Variants in FILIP1 observed in about 807,000 individuals in gnomAD.
FILIP1 encodes filamin A interacting protein 1, also known as filamin-A-interacting protein 1.
FILIP1 carries 61 observed loss-of-function variants against 102.1 expected under a neutral mutation model. That is an observed-to-expected ratio of 0.60 (90% confidence interval 0.49 to 0.74). The LOEUF is 0.74. Ranked by LOEUF, FILIP1 falls within the 30% of genes least tolerant of loss-of-function variation. The probability of loss-of-function intolerance (pLI) is 0.00; values close to 1 mark genes in which losing one functional copy is unlikely to be tolerated. For synonymous variants in FILIP1, 491 were observed against 526.9 expected (o/e 0.93, Z 0.93); for missense variants, 1,314 against 1,441.2 (o/e 0.91, Z 1.43).
At chr6:75,376,440 T>C (rs1775755955) in intron 2 of FILIP1, among the ~76,000 whole-genome samples, 1 of 152,160 alleles carries the variant, frequency 6.6e-6, no homozygotes, top group South Asian at 2.1e-4. Flanking sequence ...TCCCCACCCC[T>C]TGGGAGTCAA....
chr6:75,416,037 T>G (rs1777257860), intron 1 of FILIP1, among the ~76,000 whole-genome samples: 1 of 152,108 alleles, frequency 6.6e-6, no homozygotes, highest in South Asian at 2.1e-4. Context: ...TGGGCTTATT[T>G]AAAAACTCAC....
chr6:75,340,803 C>A (rs1167879901), intron 4 of FILIP1, among the ~76,000 whole-genome samples: 1 of 150,704 alleles, frequency 6.6e-6, no homozygotes, highest in Non-Finnish European at 1.5e-5. Context: ...TCAAGCAATT[C>A]TCCTATCTCA....
chr6:75,319,826 TC>T (rs370414654), intron 4 of FILIP1: 1,554 of 232,228 alleles, frequency 6.7e-3, no homozygotes, highest in South Asian at 0.012. Context: ...CAAGACTCCG[TC>T]CCCCAAAAAA....
chr6:75,376,437 C>T (rs1359529991), intron 2 of FILIP1, among the ~76,000 whole-genome samples: 1 of 152,114 alleles, frequency 6.6e-6, no homozygotes, highest in African/African-American at 2.4e-5. Flanking sequence ...TACTCCCCAC[C>T]CCTTGGGAGT....
chr6:75,359,409 G>A (rs1041969803), intron 3 of FILIP1, among the ~76,000 whole-genome samples: 6 of 152,246 alleles, frequency 3.9e-5, no homozygotes, highest in East Asian at 3.9e-4. Context: ...GCAGGACAGC[G>A]TCAGATAAGT....
intron 1 of FILIP1, among the ~76,000 whole-genome samples, chr6:75,462,996 T>C (rs1007690223): frequency 1.3e-5 from 2 of 152,196 alleles, no homozygotes; most frequent in Non-Finnish European, 2.9e-5. Context: ...ACTTCATCTA[T>C]ACCTGAAGTC....
At position 75,319,579 on chromosome 6, in the gene FILIP1, C is replaced by T. The variant is rs1304389428; in HGVS notation, c.630-4377G>A. 58 of 496,766 alleles carry T rather than the reference C, an allele frequency of 1.2e-4. 1 individual carries two copies. Among genetic ancestry groups the T allele is most frequent in the South Asian group, 8.8e-4 (55 of 62,164 alleles). 30.8% of individuals were successfully genotyped at this position (496,766 alleles called of 1,614,324 possible). A position where few individuals can be genotyped will look rare whatever the true frequency, so the allele number is the denominator to read the frequency against. On this transcript the variant is annotated intron_variant, in intron 4 of 5. Transcript: ENST00000237172. ...GGCCCGGTGGCTCACGCCTGTAATC[C>T]CAGCACTTTGGGAGGCCGAGGCTGG...
intron 2 of FILIP1, among the ~76,000 whole-genome samples, chr6:75,376,521 C>A (rs962069269): frequency 6.6e-6 from 1 of 152,166 alleles, no homozygotes; most frequent in Admixed American, 6.5e-5. Flanking sequence ...TTCAGCTCCC[C>A]AACCTGCATG....
Position 75,308,554 on chromosome 6 carries a change from G to A in FILIP1, c.*137C>T. 1 of 1,483,926 alleles carries A rather than the reference G, an allele frequency of 6.7e-7. No individual in the cohort carries two copies. Among genetic ancestry groups the A allele is most frequent in the Non-Finnish European group, 8.9e-7 (1 of 1,122,708 alleles). The allele number at this position is 1,483,926 out of a possible 1,614,324, so 91.9% of individuals were successfully genotyped here. A position where few individuals can be genotyped will look rare whatever the true frequency, so the allele number is the denominator to read the frequency against. ...AATGCACAAAATGGGAAAGACAAAT[G>A]GTTATTAGTTGGTTATTTTATAAAC... On this transcript the variant is annotated 3_prime_UTR_variant, in exon 6 of 6. Transcript: ENST00000237172.
intron 4 of FILIP1, among the ~76,000 whole-genome samples, chr6:75,351,035 G>A (rs1000222839): frequency 2.0e-5 from 3 of 151,918 alleles, no homozygotes; most frequent in African/African-American, 7.3e-5. Flanking sequence ...TGGTGTGCCT[G>A]AGGCAGCACA....
chr6:75,466,711 T>C (rs1021677170), intron 1 of FILIP1, among the ~76,000 whole-genome samples: 1 of 152,228 alleles, frequency 6.6e-6, no homozygotes, highest in Admixed American at 6.5e-5. Flanking sequence ...AATAGAGTTT[T>C]CTGTGATGAC....
At chr6:75,479,868 CAAAAAAAAAAA>C (rs58566488) in intron 1 of FILIP1, among the ~76,000 whole-genome samples, 14 of 42,868 alleles carry the variant, frequency 3.3e-4, no homozygotes, top group Admixed American at 1.0e-3. Context: ...AGCTGTATCT[CAAAAAAAAAAA>C]AAAAAAAAAA....
rs762420786 is a variant in FILIP1 at position 75,314,127 on chromosome 6, T to A, written c.1705A>T (p.Thr569Ser). The change falls in exon 5 of 6, where the codon ACA (threonine) becomes TCA (serine). Residue 569 changes from threonine (T) to serine (S), a missense_variant. By Grantham distance (58) the Thr-to-Ser change is moderately conservative. Coordinates refer to ENST00000237172, the MANE Select transcript of FILIP1 (RefSeq NM_015687.5). ...CCTATCAACTCATCTCTTTCTCTTG[T>A]CAAGTTGTATACTTTTTCCTCCATT... ...SEMEEKVYNL[T>S]RERDELIGKL... 1 of 1,516,594 alleles carries A rather than the reference T, an allele frequency of 6.6e-7. No individual in the cohort carries two copies. The highest frequency in any genetic ancestry group is 8.8e-7 in the Non-Finnish European group (1 of 1,141,952). The allele number at this position is 1,516,594 out of a possible 1,614,324, so 93.9% of individuals were successfully genotyped here. A position where few individuals can be genotyped will look rare whatever the true frequency, so the allele number is the denominator to read the frequency against.
chr6:75,485,990 C>T (rs960637596), intron 1 of FILIP1, among the ~76,000 whole-genome samples: 21 of 138,920 alleles, frequency 1.5e-4, no homozygotes, highest in African/African-American at 2.1e-4. Context: ...CACACACACA[C>T]ACACACATAC....
intron 4 of FILIP1, among the ~76,000 whole-genome samples, chr6:75,317,157 A>T (rs1004117655): frequency 5.9e-5 from 9 of 152,342 alleles, no homozygotes; most frequent in Middle Eastern, 3.4e-3. Context: ...CTAACTGTGT[A>T]ATCTCTGGCC....
chr6:75,304,878 T>C (rs547880299), downstream of FILIP1, among the ~76,000 whole-genome samples: 1 of 152,310 alleles, frequency 6.6e-6, no homozygotes, highest in Admixed American at 6.5e-5. Context: ...TTGAACTATG[T>C]ATATGAATTT....
intron 1 of FILIP1, among the ~76,000 whole-genome samples, chr6:75,467,626 GAAAT>G (rs1418729790): frequency 6.6e-6 from 1 of 152,174 alleles, no homozygotes; most frequent in Non-Finnish European, 1.5e-5. Context: ...TGGTAGAACG[GAAAT>G]AGATTGTGGT....
chr6:75,352,981 A>T lies in FILIP1; in HGVS notation c.629+558T>A, dbSNP rs575674060. Among the ~76,000 whole-genome samples, 5 of 146,792 alleles carry T rather than the reference A, an allele frequency of 3.4e-5. No individual in the cohort carries two copies. In the South Asian group the frequency reaches 6.5e-4, roughly 19 times the overall value. The stretch of plus-strand genomic sequence containing the variant: ...AGCAATCTAGTTTTTCTCTTTGGAG[A>T]GGAAATCTGCTTTTCAGGAAGGCAA... On this transcript the variant is annotated intron_variant, in intron 4 of 5. Coordinates refer to ENST00000237172, the MANE Select transcript of FILIP1 (RefSeq NM_015687.5).
chr6:75,319,754 C>CG (rs1562452723), intron 4 of FILIP1: 3 of 304,096 alleles, frequency 9.9e-6, no homozygotes, highest in Non-Finnish European at 1.9e-5. Flanking sequence ...TGTGTGAACC[C>CG]GGGGGGCGGA....
Sources: allele counts gnomAD v4.1 joint callset (sites outside exome capture counted in the v4.1 genomes callset), GRCh38; gene constraint gnomAD v4.1.1; transcripts MANE v1.5; gene names NCBI Gene and HGNC (gene_info 2026-07-23, HGNC 2026-07-21).